AFF3: variants seen among roughly 807,000 people sequenced by gnomAD.
AFF3 encodes ALF transcription elongation factor 3.
In AFF3, 32 loss-of-function variants were observed where a neutral mutation model predicts 129.7. The ratio of observed to expected loss-of-function variants is 0.25; its 90% CI spans 0.19 to 0.33. The LOEUF is 0.33. Ranked by LOEUF, AFF3 falls within the 10% of genes least tolerant of loss-of-function variation. The pLI is 1.00. For missense variants in AFF3, 1,373 were observed against 1,592.0 expected (o/e 0.86, Z 2.34); for synonymous variants, 644 against 635.4 (o/e 1.01, Z -0.20).
chr2:99,657,409 C>T (rs1235405558), intron 12 of AFF3, among the ~76,000 whole-genome samples: 7 of 152,120 alleles, frequency 4.6e-5, no homozygotes, highest in South Asian at 4.2e-4. Context: ...GGGAGTATGC[C>T]GTCTGCCTCA....
At chr2:99,696,666 TTC>T (rs1236377492) in intron 11 of AFF3, among the ~76,000 whole-genome samples, 1 of 152,096 alleles carries the variant, frequency 6.6e-6, no homozygotes, top group East Asian at 1.9e-4. Context: ...TTTTTTTTTT[TTC>T]TTCTTTGAGT....
At chr2:99,833,629 C>T (rs1046658699) in intron 8 of AFF3, among the ~76,000 whole-genome samples, 1 of 152,086 alleles carries the variant, frequency 6.6e-6, no homozygotes, top group Admixed American at 6.6e-5. Flanking sequence ...ACTGTACATC[C>T]TAGATTCCAG....
At chr2:99,861,653 C>T (rs932524547) in intron 7 of AFF3, among the ~76,000 whole-genome samples, 4 of 152,044 alleles carry the variant, frequency 2.6e-5, no homozygotes, top group South Asian at 2.1e-4. Context: ...TATCTTGAAA[C>T]GCATCATACA....
chr2:99,712,915 G>T (rs1678027042), intron 11 of AFF3, among the ~76,000 whole-genome samples: 1 of 152,224 alleles, frequency 6.6e-6, no homozygotes, highest in Admixed American at 6.5e-5. Context: ...TAAAAAGGAA[G>T]AAAATTCTGA....
chr2:99,986,959 G>T (rs1679929035), intron 7 of AFF3, among the ~76,000 whole-genome samples: 1 of 152,192 alleles, frequency 6.6e-6, no homozygotes, highest in Admixed American at 6.5e-5. Context: ...AACATGCAGG[G>T]TGCTCTACAG....
chr2:99,602,739 G>A (rs1455037442), intron 13 of AFF3, among the ~76,000 whole-genome samples: 3 of 152,200 alleles, frequency 2.0e-5, no homozygotes, highest in African/African-American at 7.2e-5. Context: ...GGAGCTTGTG[G>A]GGGTTTACGG....
chr2:99,674,579 C>A (rs1423340613), intron 11 of AFF3, among the ~76,000 whole-genome samples: 1 of 152,136 alleles, frequency 6.6e-6, no homozygotes, highest in African/African-American at 2.4e-5. Flanking sequence ...CTAGGACTGC[C>A]CAGCAAGCAC....
chr2:100,122,524 G>A (rs1395098757), intron 2 of AFF3, among the ~76,000 whole-genome samples: 2 of 152,192 alleles, frequency 1.3e-5, no homozygotes, highest in Non-Finnish European at 2.9e-5. Flanking sequence ...TCGCAGCAGA[G>A]AGGCAGAGAG....
intron 12 of AFF3, among the ~76,000 whole-genome samples, chr2:99,651,940 C>A (rs943323283): frequency 3.3e-5 from 5 of 152,134 alleles, no homozygotes; most frequent in Non-Finnish European, 7.3e-5. Context: ...CAGTTATCGT[C>A]CCAGAAAAGC....
chr2:100,076,964 C>T (rs1405692585), intron 4 of AFF3, among the ~76,000 whole-genome samples: 2 of 152,100 alleles, frequency 1.3e-5, no homozygotes, highest in African/African-American at 4.8e-5. Flanking sequence ...AAAGATCAGG[C>T]CTGGCCAGGC....
intron 13 of AFF3, among the ~76,000 whole-genome samples, chr2:99,618,381 A>G (rs1681663512): frequency 6.6e-6 from 1 of 150,742 alleles, no homozygotes; most frequent in Non-Finnish European, 1.5e-5. Flanking sequence ...GATTACAGAC[A>G]CTCGCCATCA....
chr2:99,766,653 AAAGAG>A (rs1206962749), intron 8 of AFF3, among the ~76,000 whole-genome samples: 1 of 152,240 alleles, frequency 6.6e-6, no homozygotes, highest in Non-Finnish European at 1.5e-5. Context: ...ATCTTCAAGA[AAAGAG>A]AAGTTAGGAC....
chr2:99,547,842 A>T lies in AFF3; in HGVS notation c.*3632T>A, dbSNP rs1422446309. On this transcript the variant is annotated 3_prime_UTR_variant, in exon 25 of 25. Transcript: ENST00000672756. ...TACACATCACTGTTATATAATACAC[A>T]CATCATTGTTGTACATATGAGGATA... The T allele has an allele frequency of 1.4e-5, 3 of 212,206 alleles. No homozygotes were observed. The highest frequency in any genetic ancestry group is 2.9e-5 in the Non-Finnish European group (3 of 104,488). The allele number at this position is 212,206 out of a possible 1,614,324, so 13.1% of individuals were successfully genotyped here. A position where few individuals can be genotyped will look rare whatever the true frequency, so the allele number is the denominator to read the frequency against.
intron 24 of AFF3, 35 bp downstream of exon 24, chr2:99,554,276 G>A (rs747713157): frequency 1.3e-4 from 204 of 1,609,346 alleles, no homozygotes; most frequent in Non-Finnish European, 1.6e-4. Flanking sequence ...CCCGGGAGGC[G>A]GAAGCCCCTG....
intron 8 of AFF3, among the ~76,000 whole-genome samples, chr2:99,812,303 GAAGT>G (rs2105598032): frequency 6.6e-6 from 1 of 152,216 alleles, no homozygotes; most frequent in South Asian, 2.1e-4. Flanking sequence ...TGTTACTTCT[GAAGT>G]AAGATCATTG....
chr2:99,594,195 T>A lies in AFF3; in HGVS notation c.1466A>T (p.His489Leu), dbSNP rs764739550. ...GTAGTACTGATTGCTCTCTGACCCG[T>A]GGCTTTCATTTTGGATCAGAATAGG... ...KPPILIQNES[H>L]GSESNQYYNP... is the part of the protein sequence containing the mutation. The change falls in exon 15 of 25, where the codon CAC (histidine) becomes CTC (leucine). Residue 489 changes from histidine (H) to leucine (L), a missense_variant. Physicochemically the swap from His to Leu is moderately conservative, Grantham distance 99 (BLOSUM62 -3). Transcript: ENST00000672756. The A allele has an allele frequency of 4.3e-6, 7 of 1,613,996 alleles. No homozygotes were observed. Among genetic ancestry groups the A allele is most frequent in the Non-Finnish European group, 5.9e-6 (7 of 1,180,010 alleles).
intron 7 of AFF3, among the ~76,000 whole-genome samples, chr2:99,882,013 C>T (rs1692754169): frequency 6.6e-6 from 1 of 152,118 alleles, no homozygotes; most frequent in Non-Finnish European, 1.5e-5. Context: ...AAAATAGCAG[C>T]AAATCATGTC....
chr2:99,797,421 A>C (rs184278012), intron 8 of AFF3, among the ~76,000 whole-genome samples: 1 of 152,320 alleles, frequency 6.6e-6, no homozygotes, highest in East Asian at 1.9e-4. Context: ...AAAGAGCATA[A>C]GTAAACTGCA....
chr2:99,902,864 G>A (rs1019648689), intron 7 of AFF3, among the ~76,000 whole-genome samples: 10 of 151,972 alleles, frequency 6.6e-5, no homozygotes, highest in African/African-American at 2.4e-4. Flanking sequence ...CATAATGATG[G>A]AAAAAATATA....
Sources: gnomAD v4.1 joint callset for allele counts (sites outside exome capture counted in the v4.1 genomes callset) on GRCh38, gnomAD v4.1.1 for gene constraint, MANE v1.5 for transcripts, NCBI Gene and HGNC (gene_info 2026-07-23, HGNC 2026-07-21) for gene names.